TMED3: variants seen among roughly 807,000 people sequenced by gnomAD.
The protein encoded by TMED3 is transmembrane p24 trafficking protein 3.
TMED3 carries 9 observed loss-of-function variants against 15.0 expected under a neutral mutation model. The ratio of observed to expected loss-of-function variants is 0.60; its 90% CI spans 0.36 to 1.04. TMED3 has a LOEUF of 1.04. Among genes scored for constraint, TMED3 ranks in the 50% least tolerant of loss-of-function variants. TMED3 has a pLI of 0.01. For synonymous variants in TMED3, 117 were observed against 121.4 expected (o/e 0.96, Z 0.24); for missense variants, 267 against 278.9 (o/e 0.96, Z 0.30).
chr15:79,333,511 G>T (rs1257214578), intron 2 of TMED3, among the ~76,000 whole-genome samples: 1 of 152,142 alleles, frequency 6.6e-6, no homozygotes, highest in Non-Finnish European at 1.5e-5. Context: ...ATAGTTTAAG[G>T]CTATTTTCCT....
intron 2 of TMED3, among the ~76,000 whole-genome samples, chr15:79,392,946 G>A (rs556975291): frequency 5.7e-4 from 87 of 152,236 alleles, no homozygotes; most frequent in South Asian, 3.7e-3. Context: ...ACTTAAATTG[G>A]AATCTTTATC....
chr15:79,322,892 G>A (rs1195886634), downstream of TMED3: 1 of 985,342 alleles, frequency 1.0e-6, no homozygotes, highest in African/African-American at 1.7e-5. Context: ...AGAGCTTACT[G>A]CAGAGCATGG....
At chr15:79,398,858 A>G (rs11072842) in intron 2 of TMED3, among the ~76,000 whole-genome samples, 147,247 of 152,322 alleles carry the variant, frequency 0.97, 71,388 homozygotes, top group East Asian at 1. Flanking sequence ...ACAATAGGGA[A>G]GGCTAGGGCC....
intron 2 of TMED3, among the ~76,000 whole-genome samples, chr15:79,364,281 C>A (rs976199437): frequency 4.6e-5 from 7 of 152,146 alleles, no homozygotes; most frequent in Non-Finnish European, 1.0e-4. Context: ...TAGTCCCCTG[C>A]GGGCATGTTT....
chr15:79,322,921 A>T (rs2058774163), downstream of TMED3: 1 of 982,998 alleles, frequency 1.0e-6, no homozygotes, highest in African/African-American at 1.7e-5. Flanking sequence ...ATAAATAATT[A>T]GAATGTGACA....
At chr15:79,392,440 C>G (rs940033753) in intron 2 of TMED3, among the ~76,000 whole-genome samples, 2 of 152,122 alleles carry the variant, frequency 1.3e-5, no homozygotes, top group Non-Finnish European at 2.9e-5. Context: ...GCCCCAAATC[C>G]TTCTAGCTTG....
chr15:79,314,322 G>C (rs536149797), intron 2 of TMED3, among the ~76,000 whole-genome samples: 1 of 152,176 alleles, frequency 6.6e-6, no homozygotes, highest in African/African-American at 2.4e-5. Flanking sequence ...CTTATATGAT[G>C]TGCCTGTATC....
intron 2 of TMED3, among the ~76,000 whole-genome samples, chr15:79,344,389 G>A (rs1242835235): frequency 1.3e-5 from 2 of 152,178 alleles, no homozygotes; most frequent in African/African-American, 4.8e-5. Context: ...CAAGGTATTG[G>A]CAGGGTTGGC....
intron 2 of TMED3, 150 bp downstream of exon 2, chr15:79,314,155 G>A (rs1946345346): frequency 1.0e-6 from 1 of 1,002,918 alleles, no homozygotes; most frequent in Non-Finnish European, 1.4e-6. Context: ...TTCATACCTA[G>A]TCCTAAAGGA....
chr15:79,392,028 T>G (rs1304140767), intron 2 of TMED3, among the ~76,000 whole-genome samples: 3 of 152,220 alleles, frequency 2.0e-5, no homozygotes, highest in Non-Finnish European at 4.4e-5. Flanking sequence ...GGTGAGTTCT[T>G]ATCCATTCCG....
At chr15:79,323,048 T>C (rs1405326646), downstream of TMED3, among the ~76,000 whole-genome samples, 1 of 152,204 alleles carries the variant, frequency 6.6e-6, no homozygotes, top group Non-Finnish European at 1.5e-5. Context: ...GCTCACACCA[T>C]GTTGTACAAC....
At chr15:79,373,221 T>G (rs1893372881) in intron 2 of TMED3, among the ~76,000 whole-genome samples, 1 of 152,232 alleles carries the variant, frequency 6.6e-6, no homozygotes, top group Non-Finnish European at 1.5e-5. Flanking sequence ...ATCTCTTTTA[T>G]TCATAGAAAC....
intron 1 of TMED3, 22 bp from the exon 2 acceptor site, chr15:79,313,735 G>A (rs371340104): frequency 1.1e-4 from 175 of 1,604,382 alleles, no homozygotes; most frequent in Non-Finnish European, 1.5e-4. Flanking sequence ...TTTGATAACA[G>A]CAATTTTTTT....
rs182724255 is a variant in TMED3 at position 79,390,718 on chromosome 15, G to C, written c.418-20682G>C. 1.6e-3 allele frequency among the ~76,000 whole-genome samples: 240 copies of C among 151,860 alleles called. 1 individual carries two copies. The highest frequency in any genetic ancestry group is 5.4e-3 in the African/African-American group (222 of 41,452). On this transcript the variant is annotated intron_variant, in intron 2 of 2. Transcript: ENST00000424155. ...TTCTGCGGTGAATCCATGTGGTTTT[G>C]GACTTTTTTTTTAATTTTTAAGTTA...
chr15:79,409,229 G>A (rs1304909775), intron 2 of TMED3, among the ~76,000 whole-genome samples: 1 of 152,214 alleles, frequency 6.6e-6, no homozygotes, highest in Non-Finnish European at 1.5e-5. Context: ...ATGAGCAAAG[G>A]TTCATTTGAG....
intron 2 of TMED3, among the ~76,000 whole-genome samples, chr15:79,406,813 T>C (rs530396998): frequency 5.9e-5 from 9 of 152,350 alleles, no homozygotes; most frequent in African/African-American, 2.2e-4. Flanking sequence ...CGTCAATCTC[T>C]GAAGCCATGT....
At chr15:79,312,345 T>C (rs1268597941) in intron 1 of TMED3, among the ~76,000 whole-genome samples, 1 of 152,206 alleles carries the variant, frequency 6.6e-6, no homozygotes, top group East Asian at 1.9e-4. Flanking sequence ...GTGGACAACA[T>C]GCAAATTGTG....
intron 2 of TMED3, among the ~76,000 whole-genome samples, chr15:79,385,923 A>G (rs1893621529): frequency 6.6e-6 from 1 of 152,232 alleles, no homozygotes; most frequent in Non-Finnish European, 1.5e-5. Flanking sequence ...TTTACAAATG[A>G]TAAAACAACT....
At chr15:79,389,080 G>A (rs1345688004) in intron 2 of TMED3, among the ~76,000 whole-genome samples, 1 of 152,156 alleles carries the variant, frequency 6.6e-6, no homozygotes, top group Non-Finnish European at 1.5e-5. Flanking sequence ...CTGTGCAAAA[G>A]CTATTTAGTT....
Sources: allele counts gnomAD v4.1 joint callset (sites outside exome capture counted in the v4.1 genomes callset), GRCh38; gene constraint gnomAD v4.1.1; transcripts MANE v1.5; gene names NCBI Gene and HGNC (gene_info 2026-07-23, HGNC 2026-07-21).